EIF4B: variants seen among roughly 807,000 people sequenced by gnomAD.
EIF4B encodes eukaryotic translation initiation factor 4B.
EIF4B carries 8 observed loss-of-function variants against 79.3 expected under a neutral mutation model. The ratio of observed to expected loss-of-function variants is 0.10; its 90% CI spans 0.06 to 0.18. EIF4B has a LOEUF of 0.18. Ranked by LOEUF, EIF4B falls within the 10% of genes least tolerant of loss-of-function variation. The pLI, the probability that EIF4B is intolerant of heterozygous loss-of-function variation, is 1.00. For missense variants in EIF4B, 515 were observed against 792.4 expected, an observed-to-expected ratio of 0.65 and a Z score of 4.20; for synonymous variants, 238 against 274.7, an observed-to-expected ratio of 0.87 and a Z score of 1.32.
At chr12:53,019,069 G>T in intron 3 of EIF4B, 63 bp downstream of exon 3, 1 of 1,553,156 alleles carries the variant, frequency 6.4e-7, no homozygotes, top group Non-Finnish European at 8.8e-7. Context: ...AAGACTAATT[G>T]TGGAATGGGC....
rs759061266 is a variant in EIF4B at position 53,030,413 on chromosome 12, C to CTTTTTTTTTTT, written c.979+2240_979+2250dup. Among the ~76,000 whole-genome samples, 319 of 43,076 alleles carry CTTTTTTTTTTT rather than the reference C, an allele frequency of 7.4e-3. 93 individuals carry two copies. Among genetic ancestry groups the CTTTTTTTTTTT allele is most frequent in the Non-Finnish European group, 0.01 (172 of 16,854 alleles). 28.3% of individuals were successfully genotyped at this position (43,076 alleles called of 152,430 possible). The stretch of plus-strand genomic sequence containing the variant: ...GAAATAGGTTTTAAAAAATTATATT[C>CTTTTTTTTTTT]TTTTTTTTTTTTTTTTTTTTTTTTT... On this transcript the variant is annotated intron_variant, in intron 8 of 14. Transcript: ENST00000262056.
In EIF4B at chr12:53,041,796, T is replaced by TA. The variant is rs886148809; in HGVS notation, c.*1574dup. 2.4e-4 allele frequency: 36 copies of TA among 151,970 alleles called. No homozygotes were observed. Among genetic ancestry groups the TA allele is most frequent in the African/African-American group, 8.0e-4 (33 of 41,438 alleles). 9.4% of individuals were successfully genotyped at this position (151,970 alleles called of 1,614,324 possible). The stretch of plus-strand genomic sequence containing the variant: ...AATTTACCCAGTGGACAAAGGTGTG[T>TA]ACCAAGTGAATTTAAATAATTGGTG... On this transcript the variant is annotated 3_prime_UTR_variant, in exon 15 of 15. Coordinates refer to ENST00000262056, the MANE Select transcript of EIF4B (RefSeq NM_001417.7).
chr12:53,014,608 C>G (rs763910989), intron 1 of EIF4B: 5 of 152,114 alleles, frequency 3.3e-5, no homozygotes, highest in African/African-American at 4.8e-5. Context: ...CTAATTGTGT[C>G]CAGAAGGCTA....
In EIF4B at chr12:53,018,787, C is replaced by G. The variant is rs1274413320; in HGVS notation, c.152-11C>G. 4 of 1,611,952 alleles carry G rather than the reference C, an allele frequency of 2.5e-6. No homozygotes were observed. In the South Asian group the frequency reaches 3.3e-5, roughly 13 times the overall value. On this transcript the variant is annotated splice_polypyrimidine_tract_variant and intron_variant, in intron 2 of 14. Coordinates refer to ENST00000262056, the MANE Select transcript of EIF4B (RefSeq NM_001417.7). ...TTCTTCTAATTTCTTACATTCATTC[C>G]TCTATCCTAGTTTCGACCACTTGGC...
At chr12:53,027,407 T>C (rs1226095900) in intron 6 of EIF4B, among the ~76,000 whole-genome samples, 2 of 151,958 alleles carry the variant, frequency 1.3e-5, no homozygotes, top group Non-Finnish European at 2.9e-5. Flanking sequence ...GCTGCTGGGA[T>C]TACAGGCATG....
At chr12:53,039,020 T>C in intron 12 of EIF4B, 2 of 457,912 alleles carry the variant, frequency 4.4e-6, no homozygotes, top group South Asian at 5.9e-5. Context: ...GGCATATCCC[T>C]ACATGGAACT....
At chr12:53,034,862 A>G (rs2120975659) in intron 10 of EIF4B, 153 bp downstream of exon 10, 3 of 769,008 alleles carry the variant, frequency 3.9e-6, no homozygotes, top group Non-Finnish European at 6.5e-6. Flanking sequence ...TTCTGCTCCA[A>G]AGAATCTGAG....
chr12:53,006,775 G>A (rs1942968034), intron 1 of EIF4B, among the ~76,000 whole-genome samples: 1 of 151,994 alleles, frequency 6.6e-6, no homozygotes, highest in African/African-American at 2.4e-5. Flanking sequence ...GGGGAAGGAG[G>A]CGCAGAAAGG....
chr12:53,015,058 T>G (rs1364834086), intron 1 of EIF4B: 1 of 152,228 alleles, frequency 6.6e-6, no homozygotes, highest in Non-Finnish European at 1.5e-5. Flanking sequence ...AGGGTTTTCG[T>G]GTGTTTTCCT....
intron 3 of EIF4B, among the ~76,000 whole-genome samples, chr12:53,019,450 CTTTTTTT>C (rs71095966): frequency 7.6e-4 from 50 of 65,996 alleles, no homozygotes; most frequent in African/African-American, 2.2e-3. Flanking sequence ...TTTTTTTTTT[CTTTTTTT>C]TTTTTTTTTT....
At chr12:53,020,964 A>C (rs955809004) in intron 4 of EIF4B, among the ~76,000 whole-genome samples, 8 of 152,222 alleles carry the variant, frequency 5.3e-5, no homozygotes, top group Non-Finnish European at 1.0e-4. Flanking sequence ...TAGATTAACT[A>C]TTAATATATT....
chr12:53,041,374 A>C lies in EIF4B; in HGVS notation c.*1151A>C, dbSNP rs559994171. On this transcript the variant is annotated 3_prime_UTR_variant, in exon 15 of 15. Transcript: ENST00000262056. ...TCTTGGATGATGGATAAATAGGGACAGGGACAGTTAAATTGGGAGCCTTTC... is the reference window on the plus strand; with the variant it reads ...TCTTGGATGATGGATAAATAGGGACCGGGACAGTTAAATTGGGAGCCTTTC... 1 of 152,238 alleles carries C rather than the reference A, an allele frequency of 6.6e-6. No individual in the cohort carries two copies. The highest frequency in any genetic ancestry group is 1.5e-5 in the Non-Finnish European group (1 of 68,052). The allele number at this position is 152,238 out of a possible 1,614,324, so 9.4% of individuals were successfully genotyped here. A position where few individuals can be genotyped will look rare whatever the true frequency, so the allele number is the denominator to read the frequency against.
intron 6 of EIF4B, among the ~76,000 whole-genome samples, chr12:53,026,777 A>G (rs1943341538): frequency 6.6e-6 from 1 of 151,770 alleles, no homozygotes; most frequent in Admixed American, 6.6e-5. Flanking sequence ...AATTTTTTGT[A>G]TATTTGATAG....
Position 53,022,489 on chromosome 12 carries a change from G to T in EIF4B, c.533-4G>T. 2 of 1,612,886 alleles carry T rather than the reference G, an allele frequency of 1.2e-6. No homozygotes were observed. The highest frequency in any genetic ancestry group is 8.5e-7 in the Non-Finnish European group (1 of 1,179,738). On this transcript the variant is annotated splice_region_variant and splice_polypyrimidine_tract_variant and intron_variant, in intron 5 of 14. Transcript: ENST00000262056. ...TTACGGTTTTTGTTTTAATGTATCT[G>T]TAGACAGGGATGATCGTTCTTTTGG...
intron 10 of EIF4B, among the ~76,000 whole-genome samples, chr12:53,037,177 G>T (rs1302148497): frequency 6.6e-6 from 1 of 152,086 alleles, no homozygotes; most frequent in Non-Finnish European, 1.5e-5. Context: ...TTCCTAAAAA[G>T]GTCACATGGC....
intron 2 of EIF4B, 21 bp downstream of exon 2, chr12:53,016,631 G>A (rs769197260): frequency 1.3e-5 from 20 of 1,552,376 alleles, no homozygotes; most frequent in Non-Finnish European, 1.6e-5. Context: ...TTTTGTCATC[G>A]TGTTTGGAAT....
chr12:53,030,595 A>G (rs1235159695), intron 8 of EIF4B, among the ~76,000 whole-genome samples: 1 of 151,102 alleles, frequency 6.6e-6, no homozygotes, highest in Non-Finnish European at 1.5e-5. Context: ...TATTTTTAGT[A>G]GAGACGGGGT....
chr12:53,033,201 T>C (rs1271585939), intron 8 of EIF4B, among the ~76,000 whole-genome samples: 1 of 150,920 alleles, frequency 6.6e-6, no homozygotes. Context: ...TTATTTTTAC[T>C]AGAGACGGGG....
intron 6 of EIF4B, among the ~76,000 whole-genome samples, chr12:53,024,682 A>G (rs549520378): frequency 6.6e-6 from 1 of 152,070 alleles, no homozygotes; most frequent in Non-Finnish European, 1.5e-5. Context: ...GTTTTGACAC[A>G]GTCTCTCTGT....
Sources: allele counts gnomAD v4.1 joint callset (sites outside exome capture counted in the v4.1 genomes callset), GRCh38; gene constraint gnomAD v4.1.1; transcripts MANE v1.5; gene names NCBI Gene and HGNC (gene_info 2026-07-23, HGNC 2026-07-21).